DENND1C: variants seen among roughly 807,000 people sequenced by gnomAD.
DENND1C encodes the protein DENN domain-containing protein 1C.
Under a neutral mutation model 87.9 loss-of-function variants are expected in DENND1C, and 64 were observed. The ratio of observed to expected loss-of-function variants is 0.73; its 90% confidence interval spans 0.60 to 0.90. The LOEUF (loss-of-function observed/expected upper bound fraction) is 0.90, where lower values mean the gene tolerates loss of function less well. Among genes scored for constraint, DENND1C ranks in the 40% least tolerant of loss-of-function variants. DENND1C has a pLI of 0.00. For synonymous variants in DENND1C, 384 were observed against 424.4 expected (o/e 0.90, Z 1.17); for missense variants, 980 against 1,037.0 (o/e 0.95, Z 0.76).
In DENND1C at chr19:6,479,716, T is replaced by C. The variant is rs1242952335; in HGVS notation, c.129A>G (p.Glu43=). 2 of 1,613,880 alleles carry C rather than the reference T, an allele frequency of 1.2e-6. No homozygotes were observed. The highest frequency in any genetic ancestry group is 1.1e-5 in the South Asian group (1 of 91,086). The change falls in exon 4 of 23, where the codon GAA becomes GAG. Residue 43 remains glutamate (E), a splice_region_variant and synonymous_variant. Transcript: ENST00000381480. ...AGAATTTAGGCACCATCTGCATAGC[T>C]TCCTGGAGGTGAAGAAAAGCGCAGA... ...RQFPPDFRDQ[E]AMQMVPKFCF...
At chr19:6,477,159 G>T (rs1449319773) in intron 8 of DENND1C, 32 bp from the exon 9 acceptor site, 1 of 1,598,396 alleles carries the variant, frequency 6.3e-7, no homozygotes, top group South Asian at 1.1e-5. Context: ...GGATCAATCA[G>T]TCAGGAGGCT....
At chr19:6,469,240 G>C (rs916051054) in intron 19 of DENND1C, among the ~76,000 whole-genome samples, 8 of 151,968 alleles carry the variant, frequency 5.3e-5, no homozygotes, top group Admixed American at 4.6e-4. Flanking sequence ...CATGTTGGTC[G>C]GGCTGGTCTA....
intron 7 of DENND1C, 28 bp downstream of exon 7, chr19:6,477,350 C>T (rs575462088): frequency 2.1e-4 from 340 of 1,612,866 alleles, no homozygotes; most frequent in Non-Finnish European, 2.8e-4. Flanking sequence ...ACCTAAGGTC[C>T]AGCGCCCAGG....
In DENND1C at chr19:6,476,941, G is replaced by A; in HGVS notation, c.594C>T (p.Ala198=). 1 of 1,613,608 alleles carries A rather than the reference G, an allele frequency of 6.2e-7. No individual in the cohort carries two copies. Residue 198 remains alanine (A), a synonymous_variant, in exon 10 of 23, where the codon GCC becomes GCT. Transcript: ENST00000381480. ...ENRNLTELVV[A]VTDENIVGLF... The stretch of plus-strand genomic sequence containing the variant: ...GCCCCACGATGTTCTCGTCAGTCAC[G>A]GCCACCACCAGCTCCGTTAGGTTCC...
rs994064802 is a variant in DENND1C at position 6,481,666 on chromosome 19, G to C, written c.17+13C>G. On this transcript the variant is annotated intron_variant, in intron 1 of 22. Transcript: ENST00000381480. Reference sequence around the variant, plus strand: ...ATCTTGTACCAGAGAATGAGGGATGGGGTGGCTCTTACTCAGCTCTGGATT... The same window carrying C: ...ATCTTGTACCAGAGAATGAGGGATGCGGTGGCTCTTACTCAGCTCTGGATT... 20 of 1,611,208 alleles carry C rather than the reference G, an allele frequency of 1.2e-5. No individual in the cohort carries two copies. In the African/African-American group the frequency reaches 2.5e-4, roughly 20 times the overall value.
rs185066181 is a variant in DENND1C, at chr19:6,468,999, C to T, written c.1408-46G>A. On this transcript the variant is annotated intron_variant, in intron 19 of 22. Transcript: ENST00000381480. The stretch of plus-strand genomic sequence containing the variant: ...TGGGAACCTCTGCCACAGAGTCTCC[C>T]CACCACCCCCTACCATTGGTCTTTA... 5.2e-6 allele frequency: 6 copies of T among 1,149,592 alleles called. No individual in the cohort carries two copies. The African/African-American group carries it at 9.5e-5, about 18-fold the overall frequency. The allele number at this position is 1,149,592 out of a possible 1,614,324, so 71.2% of individuals were successfully genotyped here. A position where few individuals can be genotyped will look rare whatever the true frequency, so the allele number is the denominator to read the frequency against.
In DENND1C at chr19:6,475,501, C is replaced by A; in HGVS notation, c.910G>T (p.Ala304Ser). Residue 304 changes from alanine (A) to serine (S), a missense_variant, in exon 13 of 23, where the codon GCG becomes TCG. Coordinates refer to ENST00000381480, the MANE Select transcript of DENND1C (RefSeq NM_024898.4). ...ACACTGACCACGTCTGGAGGCAGCG[C>A]CTGCACGTCGTTAAAGGTCGTCTCC... is the stretch of plus-strand genomic sequence containing the variant. ...TLETTFNDVQ[A>S]LPPDVVSLLR... 1 of 1,613,914 alleles carries A rather than the reference C, an allele frequency of 6.2e-7. No homozygotes were observed. The highest frequency in any genetic ancestry group is 8.5e-7 in the Non-Finnish European group (1 of 1,179,870).
At position 6,479,859 on chromosome 19, in the gene DENND1C, C is replaced by A; in HGVS notation, c.126G>T (p.Gln42His). 6.2e-7 allele frequency: 1 copy of A among 1,611,218 alleles called. No individual in the cohort carries two copies. Among genetic ancestry groups the A allele is most frequent in the Non-Finnish European group, 8.5e-7 (1 of 1,178,696 alleles). The change falls in exon 3 of 23, where the codon CAG (glutamine) becomes CAT (histidine). Residue 42 changes from glutamine (Q) to histidine (H), a missense_variant and splice_region_variant. By Grantham distance (24) the Gln-to-His change is conservative. Coordinates refer to ENST00000381480, the MANE Select transcript of DENND1C (RefSeq NM_024898.4). The stretch of plus-strand genomic sequence containing the variant: ...GGGAGCAAGGAGCCAGCCTGAATAC[C>A]TGGTCCCTGAAGTCTGGAGGGAACT... ...LRQFPPDFRDQEAMQMVPKFC... is the reference protein window; with the variant it reads ...LRQFPPDFRDHEAMQMVPKFC...
rs1237775877 is a variant in DENND1C at position 6,478,794 on chromosome 19, C to G, written c.355G>C (p.Ala119Pro). 4 of 1,612,670 alleles carry G rather than the reference C, an allele frequency of 2.5e-6. No individual in the cohort carries two copies. The South Asian group carries it at 4.4e-5, about 18-fold the overall frequency. ...KLLNTVGDLL[A>P]QDQVTEAEEL... is the part of the protein sequence containing the mutation. ...GGGGCTGGTCTCACTTGGTCCTGGG[C>G]TAGGAGGTCTCCCACTGTGTTCAAT... is the stretch of plus-strand genomic sequence containing the variant. The change falls in exon 6 of 23, where the codon GCC (alanine) becomes CCC (proline). Residue 119 changes from alanine (A) to proline (P), a missense_variant. Transcript: ENST00000381480.
In DENND1C at chr19:6,472,071, C is replaced by T. The variant is rs1301751521; in HGVS notation, c.1159-575G>A. Among the ~76,000 whole-genome samples, 7 of 152,210 alleles carry T rather than the reference C, an allele frequency of 4.6e-5. No homozygotes were observed. In the East Asian group the frequency reaches 1.3e-3, roughly 29 times the overall value. On this transcript the variant is annotated intron_variant, in intron 15 of 22. Coordinates refer to ENST00000381480, the MANE Select transcript of DENND1C (RefSeq NM_024898.4). ...GATTTCTGCCCCCTCTAGAACTACC[C>T]ACCCGCTCTCATTGAATCAAGAGTA...
chr19:6,468,715 G>T, intron 20 of DENND1C, 70 bp from the exon 21 acceptor site: 1 of 1,392,724 alleles, frequency 7.2e-7, no homozygotes, highest in Non-Finnish European at 9.5e-7. Context: ...GCTGGAGAAG[G>T]GTGAGTGTGA....
chr19:6,478,930 C>A lies in DENND1C; in HGVS notation c.296+7G>T. 6.2e-7 allele frequency: 1 copy of A among 1,613,922 alleles called. No individual in the cohort carries two copies. Among genetic ancestry groups the A allele is most frequent in the Non-Finnish European group, 8.5e-7 (1 of 1,179,846 alleles). On this transcript the variant is annotated splice_region_variant and intron_variant, in intron 5 of 22. Transcript: ENST00000381480. ...CCATCCCCCCCTCCAACCCCCATAT[C>A]CCGCACCTGAGGATGCAGAGACAGC...
At chr19:6,469,999 T>C (rs2092818551) in intron 18 of DENND1C, 4 of 462,548 alleles carry the variant, frequency 8.6e-6, no homozygotes, top group Non-Finnish European at 1.5e-5. Context: ...CCTGGAATTG[T>C]AGCATCCAAG....
Position 6,467,725 on chromosome 19 carries a change from C to G in DENND1C, c.2185G>C (p.Ala729Pro), listed in dbSNP as rs750474565. The G allele has an allele frequency of 6.6e-7, 1 of 1,521,588 alleles. No individual in the cohort carries two copies. Among genetic ancestry groups the G allele is most frequent in the Non-Finnish European group, 8.8e-7 (1 of 1,137,770 alleles). 94.3% of individuals were successfully genotyped at this position (1,521,588 alleles called of 1,614,324 possible). ...LAPTKPNFDI[A>P]WTSQPLDPSS... ...GGATCAAGGGGCTGGGACGTCCAGGCTATATCAAAGTTGGGCTTTGTGGGG... is the reference window on the plus strand; with the variant it reads ...GGATCAAGGGGCTGGGACGTCCAGGGTATATCAAAGTTGGGCTTTGTGGGG... The change falls in exon 23 of 23, where the codon GCC becomes CCC. Residue 729 changes from alanine (A) to proline (P), a missense_variant. Physicochemically the swap from Ala to Pro is conservative, Grantham distance 27. Coordinates refer to ENST00000381480, the MANE Select transcript of DENND1C (RefSeq NM_024898.4).
At chr19:6,469,717 A>C (rs369188800) in intron 18 of DENND1C, 77 bp from the exon 19 acceptor site, 1 of 1,510,988 alleles carries the variant, frequency 6.6e-7, no homozygotes, top group African/African-American at 1.4e-5. Context: ...TCTGTCCCCT[A>C]AGATAGCTTT....
Position 6,467,721 on chromosome 19 carries a change from C to T in DENND1C, c.2189G>A (p.Trp730Ter), listed in dbSNP as rs1309181759. The T allele has an allele frequency of 2.0e-6, 3 of 1,520,588 alleles. No individual in the cohort carries two copies. The highest frequency in any genetic ancestry group is 2.6e-6 in the Non-Finnish European group (3 of 1,137,218). 94.2% of individuals were successfully genotyped at this position (1,520,588 alleles called of 1,614,324 possible). Residue 730 changes from tryptophan to a stop codon, truncating the protein, a stop_gained, in exon 23 of 23, where the codon TGG (tryptophan) becomes TAG (stop). Transcript: ENST00000381480. LOFTEE classifies it low-confidence loss of function (END_TRUNC). The part of the protein sequence containing the change: ...APTKPNFDIA[W>*]TSQPLDPSSD... ...GGAAGGATCAAGGGGCTGGGACGTC[C>T]AGGCTATATCAAAGTTGGGCTTTGT...
intron 4 of DENND1C, 35 bp downstream of exon 4, chr19:6,479,634 T>A: frequency 6.2e-7 from 1 of 1,613,622 alleles, no homozygotes; most frequent in South Asian, 1.1e-5. Context: ...GAGATCTGAG[T>A]CCCTGAGTCC....
Position 6,478,999 on chromosome 19 carries a change from G to A in DENND1C, c.234C>T (p.Gly78=), listed in dbSNP as rs1159908656. Reference sequence around the variant, plus strand: ...GGCGGCAGAAACCAAATCTGCGGTTGCCGGCAAGGTCTGTGAGGGCGAAGG... The same window carrying A: ...GGCGGCAGAAACCAAATCTGCGGTTACCGGCAAGGTCTGTGAGGGCGAAGG... ...HFTFALTDLA[G]NRRFGFCRLR... is the part of the protein sequence containing the mutation. The change falls in exon 5 of 23, where the codon GGC becomes GGT. Residue 78 remains glycine, a synonymous_variant. Transcript: ENST00000381480. 6.2e-7 allele frequency: 1 copy of A among 1,613,666 alleles called. No individual in the cohort carries two copies. The highest frequency in any genetic ancestry group is 8.5e-7 in the Non-Finnish European group (1 of 1,179,862).
chr19:6,472,447 G>A (rs900311014), intron 15 of DENND1C, among the ~76,000 whole-genome samples: 1 of 152,188 alleles, frequency 6.6e-6, no homozygotes, highest in African/African-American at 2.4e-5. Context: ...CTGGAGTGCA[G>A]TGGTGTGATC....
Sources: gnomAD v4.1 joint callset for allele counts (sites outside exome capture counted in the v4.1 genomes callset) on GRCh38, gnomAD v4.1.1 for gene constraint, MANE v1.5 for transcripts, NCBI Gene and HGNC (gene_info 2026-07-23, HGNC 2026-07-21) for gene names.